Variants in ZBTB1 observed in about 807,000 individuals in gnomAD.
ZBTB1 encodes zinc finger and BTB domain-containing protein 1.
ZBTB1 carries 13 observed loss-of-function variants against 51.6 expected under a neutral mutation model. The observed-to-expected ratio is 0.25, with a 90% CI of 0.16 to 0.40. The LOEUF (loss-of-function observed/expected upper bound fraction) is 0.40, where lower values mean the gene tolerates loss of function less well. ZBTB1 is among the 10% of genes least tolerant of loss of function. ZBTB1 has a pLI of 1.00. For synonymous variants in ZBTB1, 240 were observed against 282.2 expected (o/e 0.85, Z 1.50); for missense variants, 567 against 856.5 (o/e 0.66, Z 4.22).
downstream of ZBTB1, chr14:64,524,987 CT>C: frequency 1.1e-6 from 1 of 949,992 alleles, no homozygotes. Flanking sequence ...ATGTAGTACC[CT>C]TTTCATAATG....
At chr14:64,505,482 T>A (rs1467717521) in intron 1 of ZBTB1, among the ~76,000 whole-genome samples, 1 of 152,134 alleles carries the variant, frequency 6.6e-6, no homozygotes, top group Non-Finnish European at 1.5e-5. Flanking sequence ...CAGTAAAAAG[T>A]GGAAGGTCTG....
At position 64,523,985 on chromosome 14, in the gene ZBTB1, T is replaced by G. The variant is rs1021770318; in HGVS notation, c.*339T>G. 437 of 1,009,406 alleles carry G rather than the reference T, an allele frequency of 4.3e-4. 2 individuals are homozygous for G. Among genetic ancestry groups the G allele is most frequent in the Admixed American group, 6.6e-4 (11 of 16,702 alleles). The allele number at this position is 1,009,406 out of a possible 1,614,324, so 62.5% of individuals were successfully genotyped here. On this transcript the variant is annotated 3_prime_UTR_variant, in exon 2 of 2. Transcript: ENST00000683701. This position sits in a 1 kb window ranked among gnomAD's most constrained non-coding sequence, Gnocchi z 4.5. ...GATGACTTCACTATTTCTATGTGTT[T>G]TTTTTTTTTTAAGGTTATCCTGTGA... is the stretch of plus-strand genomic sequence containing the variant.
downstream of ZBTB1, among the ~76,000 whole-genome samples, chr14:64,528,248 G>A (rs868069249): frequency 8.6e-5 from 13 of 151,782 alleles, no homozygotes; most frequent in African/African-American, 3.1e-4. Flanking sequence ...AAAAATCTGA[G>A]TGTATGTGCA....
At chr14:64,532,918 T>C (rs2079953328) in exon 3 of ZBTB1, 1 of 152,096 alleles carries the variant, frequency 6.6e-6, no homozygotes. Flanking sequence ...ATTCTGAATA[T>C]ACTTGTAGTT....
At chr14:64,510,781 T>C (rs1462805746) in intron 1 of ZBTB1, among the ~76,000 whole-genome samples, 4 of 152,172 alleles carry the variant, frequency 2.6e-5, no homozygotes, top group Admixed American at 2.0e-4. Context: ...CATGGTAGAA[T>C]AGTGTGATAT....
intron 2 of ZBTB1, among the ~76,000 whole-genome samples, chr14:64,530,871 T>C (rs1425246983): frequency 6.9e-6 from 1 of 145,908 alleles, no homozygotes; most frequent in Non-Finnish European, 1.6e-5. Flanking sequence ...GTATGAAGAT[T>C]ACAATTAAAT....
At chr14:64,530,375 G>C (rs1007617764) in intron 2 of ZBTB1, among the ~76,000 whole-genome samples, 3 of 152,158 alleles carry the variant, frequency 2.0e-5, no homozygotes, top group African/African-American at 7.2e-5. Flanking sequence ...TTGAGAGGCC[G>C]AGGCAGGTGA....
chr14:64,505,257 G>C (rs1020351018), intron 1 of ZBTB1: 6 of 206,768 alleles, frequency 2.9e-5, no homozygotes, highest in African/African-American at 1.4e-4. Context: ...GGGAGGGGAG[G>C]TGTAGACGGG....
In ZBTB1 at chr14:64,524,589, T is replaced by G. The variant is rs1022133704; in HGVS notation, c.*943T>G. On this transcript the variant is annotated 3_prime_UTR_variant, in exon 2 of 2. Transcript: ENST00000683701. ...ATACATACTTCTGGAACTTTGAGAT[T>G]TGAGAAAGCTTCCATGTATATTGAT... 10 of 982,882 alleles carry G rather than the reference T, an allele frequency of 1.0e-5. No homozygotes were observed. The highest frequency in any genetic ancestry group is 1.2e-5 in the Non-Finnish European group (10 of 827,740). 60.9% of individuals were successfully genotyped at this position (982,882 alleles called of 1,614,324 possible). A position where few individuals can be genotyped will look rare whatever the true frequency, so the allele number is the denominator to read the frequency against.
intron 1 of ZBTB1, among the ~76,000 whole-genome samples, chr14:64,505,444 C>T (rs1363588932): frequency 6.6e-6 from 1 of 152,164 alleles, no homozygotes; most frequent in African/African-American, 2.4e-5. Context: ...TTTCCCACCC[C>T]CTCTCGCCGG....
At position 64,522,480 on chromosome 14, in the gene ZBTB1, A is replaced by C; in HGVS notation, c.976A>C (p.Ile326Leu). 1.2e-6 allele frequency: 2 copies of C among 1,614,118 alleles called. No individual in the cohort carries two copies. The highest frequency in any genetic ancestry group is 1.7e-6 in the Non-Finnish European group (2 of 1,180,022). Residue 326 changes from isoleucine to leucine, a missense_variant, in exon 2 of 2, where the codon ATT becomes CTT. Ile to Leu is a conservative substitution (Grantham distance 5). This residue lies in a region of ZBTB1 where 329 missense variants were observed against 406.3 expected (regional missense o/e 0.81). Coordinates refer to ENST00000683701, the MANE Select transcript of ZBTB1 (RefSeq NM_001123329.2). ...CAGAGCTGCTGAGAGGAAAAGGATT[A>C]TTATTAAGATGGAGCCAGAAGATAT... ...KSRAAERKRIIIKMEPEDIPT... is the reference protein window; with the variant it reads ...KSRAAERKRILIKMEPEDIPT...
At chr14:64,518,904 GTATATATATATATATATATA>G (rs71123855) in intron 1 of ZBTB1, among the ~76,000 whole-genome samples, 18 of 95,122 alleles carry the variant, frequency 1.9e-4, no homozygotes, top group Admixed American at 8.5e-4. Flanking sequence ...TTGCAGAGAG[GTATATATATATATATATATA>G]TATATATATA....
At chr14:64,508,660 G>A (rs1355016764) in intron 1 of ZBTB1, among the ~76,000 whole-genome samples, 1 of 152,172 alleles carries the variant, frequency 6.6e-6, no homozygotes, top group Non-Finnish European at 1.5e-5. Flanking sequence ...TTTGCAAAAT[G>A]AGGATAATAA....
downstream of ZBTB1, among the ~76,000 whole-genome samples, chr14:64,527,980 GTAA>G (rs2079916004): frequency 6.6e-6 from 1 of 152,084 alleles, no homozygotes; most frequent in African/African-American, 2.4e-5. Context: ...ATTTTTGTAA[GTAA>G]TGATGAGAGA....
Position 64,523,520 on chromosome 14 carries a change from A to G in ZBTB1, c.2016A>G (p.Pro672=). Residue 672 remains proline (P), a synonymous_variant, in exon 2 of 2, where the codon CCA becomes CCG. Coordinates refer to ENST00000683701, the MANE Select transcript of ZBTB1 (RefSeq NM_001123329.2). The surrounding 1 kb of genome is among the most constrained non-coding windows in gnomAD (Gnocchi z 4.5). Reference sequence around the variant, plus strand: ...GCCAGGTCTGCTTTCAGATATTCCCAAATAATGAACAGTTGGAGCAGCACA... The same window carrying G: ...GCCAGGTCTGCTTTCAGATATTCCCGAATAATGAACAGTTGGAGCAGCACA... ...TICQVCFQIF[P]NNEQLEQHMD... 6.3e-7 allele frequency: 1 copy of G among 1,596,912 alleles called. No homozygotes were observed. The highest frequency in any genetic ancestry group is 8.5e-7 in the Non-Finnish European group (1 of 1,170,966).
chr14:64,523,660 G>T lies in ZBTB1; in HGVS notation c.*14G>T. 1.3e-6 allele frequency: 2 copies of T among 1,534,290 alleles called. No individual in the cohort carries two copies. The highest frequency in any genetic ancestry group is 1.8e-6 in the Non-Finnish European group (2 of 1,138,152). ...AAAAGAACCTGAGTGATTTTCTACT[G>T]TACTAATGTTTAGATGATAGCAGAT... On this transcript the variant is annotated 3_prime_UTR_variant, in exon 2 of 2. Transcript: ENST00000683701. This position sits in a 1 kb window ranked among gnomAD's most constrained non-coding sequence, Gnocchi z 4.5.
In ZBTB1 at chr14:64,524,683, T is replaced by C. The variant is rs1352365688; in HGVS notation, c.*1037T>C. ...TATAAAAGTAGAGTGCACAAAAAAA[T>C]GTCTTGTGTTTTATACTGTCTAAGA... On this transcript the variant is annotated 3_prime_UTR_variant, in exon 2 of 2. Coordinates refer to ENST00000683701, the MANE Select transcript of ZBTB1 (RefSeq NM_001123329.2). The C allele has an allele frequency of 3.0e-6, 3 of 984,850 alleles. No homozygotes were observed. The highest frequency in any genetic ancestry group is 3.6e-6 in the Non-Finnish European group (3 of 829,564). 61.0% of individuals were successfully genotyped at this position (984,850 alleles called of 1,614,324 possible). A position where few individuals can be genotyped will look rare whatever the true frequency, so the allele number is the denominator to read the frequency against.
chr14:64,516,008 G>A (rs1324397820), intron 1 of ZBTB1, among the ~76,000 whole-genome samples: 1 of 152,120 alleles, frequency 6.6e-6, no homozygotes, highest in African/African-American at 2.4e-5. Flanking sequence ...TGAGGTGGGA[G>A]GATTGCTTGA....
At chr14:64,514,412 C>T (rs2079758372) in intron 1 of ZBTB1, 1 of 152,148 alleles carries the variant, frequency 6.6e-6, no homozygotes, top group African/African-American at 2.4e-5. Context: ...TGATTATTTG[C>T]CTCACAGAAA....
Sources: gnomAD v4.1 joint callset for allele counts (sites outside exome capture counted in the v4.1 genomes callset) on GRCh38, gnomAD v4.1.1 for gene constraint, gnomAD v4.1.1 regional missense constraint, Gnocchi (gnomAD v3.1) non-coding constraint, MANE v1.5 for transcripts, NCBI Gene and HGNC (gene_info 2026-07-23, HGNC 2026-07-21) for gene names.